The following ADAM32 variants were observed in gnomAD, a reference collection of about 807,000 sequenced individuals.
ADAM32 encodes the protein ADAM metallopeptidase domain 32, also known as disintegrin and metalloproteinase domain-containing protein 32.
A neutral mutation model predicts 114.9 loss-of-function variants in ADAM32; 89 were observed. That is an observed-to-expected ratio of 0.77 (90% CI 0.65 to 0.92). The LOEUF (loss-of-function observed/expected upper bound fraction) is 0.92, where lower values mean the gene tolerates loss of function less well. Among genes scored for constraint, ADAM32 ranks in the 40% least tolerant of loss-of-function variants. The pLI is 0.00. For missense variants in ADAM32, 870 were observed against 932.8 expected (o/e 0.93, Z 0.88); for synonymous variants, 285 against 307.5 (o/e 0.93, Z 0.77).
At chr8:39,116,944 T>C (rs11778751) in intron 1 of ADAM32, among the ~76,000 whole-genome samples, 73,418 of 151,880 alleles carry the variant, frequency 0.48, 18,624 homozygotes, top group South Asian at 0.56. Context: ...AGTGCAGTGG[T>C]GTGATCTTGG....
chr8:39,250,248 TA>T (rs1366060156), intron 17 of ADAM32, among the ~76,000 whole-genome samples: 1 of 152,036 alleles, frequency 6.6e-6, no homozygotes, highest in Non-Finnish European at 1.5e-5. Flanking sequence ...AGTTCTTGGA[TA>T]TTCTGTTCTG....
chr8:39,257,530 G>A (rs573296017), intron 19 of ADAM32, among the ~76,000 whole-genome samples, 187 bp downstream of exon 19: 1 of 152,036 alleles, frequency 6.6e-6, no homozygotes, highest in African/African-American at 2.4e-5. Context: ...ATTTGGAAGT[G>A]TAATTTACAT....
chr8:39,125,222 C>T (rs574021143), intron 2 of ADAM32, among the ~76,000 whole-genome samples: 1 of 151,984 alleles, frequency 6.6e-6, no homozygotes, highest in Non-Finnish European at 1.5e-5. Flanking sequence ...AATTTGCTTA[C>T]GTTCCTTGTA....
intron 20 of ADAM32, among the ~76,000 whole-genome samples, chr8:39,271,659 G>A (rs1193567180): frequency 6.6e-6 from 1 of 151,966 alleles, no homozygotes; most frequent in East Asian, 1.9e-4. Flanking sequence ...AAATCACTGA[G>A]AATACAACAT....
chr8:39,258,451 T>C (rs1811803369), intron 19 of ADAM32, among the ~76,000 whole-genome samples: 1 of 152,086 alleles, frequency 6.6e-6, no homozygotes, highest in Non-Finnish European at 1.5e-5. Context: ...CGACATTCAG[T>C]TAAAAAAATT....
intron 14 of ADAM32, among the ~76,000 whole-genome samples, chr8:39,227,276 G>C (rs1442848187): frequency 6.6e-6 from 1 of 152,166 alleles, no homozygotes; most frequent in Non-Finnish European, 1.5e-5. Context: ...CTGTTTGAGG[G>C]AGAAGTTTCC....
chr8:39,216,066 T>C (rs1808544620), intron 12 of ADAM32, among the ~76,000 whole-genome samples: 2 of 152,094 alleles, frequency 1.3e-5, no homozygotes, highest in Non-Finnish European at 1.5e-5. Flanking sequence ...ATTTGCTTTA[T>C]ATATCTGGGT....
At chr8:39,187,158 C>A in intron 11 of ADAM32, 113 bp downstream of exon 11, 4 of 896,072 alleles carry the variant, frequency 4.5e-6, no homozygotes, top group South Asian at 4.5e-5. Flanking sequence ...ACCAAATTCA[C>A]CAAGTATAAA....
chr8:39,252,608 A>C (rs1811375205), intron 17 of ADAM32, among the ~76,000 whole-genome samples: 1 of 151,580 alleles, frequency 6.6e-6, no homozygotes, highest in Admixed American at 6.6e-5. Flanking sequence ...GAGAATAGAA[A>C]AATAATAGAC....
chr8:39,195,750 A>G (rs182745114), intron 11 of ADAM32, among the ~76,000 whole-genome samples: 2 of 152,176 alleles, frequency 1.3e-5, no homozygotes, highest in African/African-American at 4.8e-5. Context: ...ATTCTGTTTC[A>G]TTGCTCTGTT....
chr8:39,197,900 A>G (rs977851955), intron 11 of ADAM32, among the ~76,000 whole-genome samples: 2 of 152,186 alleles, frequency 1.3e-5, no homozygotes, highest in Admixed American at 6.5e-5. Flanking sequence ...GATCTGTCCA[A>G]TGCTTCAAGA....
chr8:39,148,929 A>G (rs1424610946), intron 4 of ADAM32, among the ~76,000 whole-genome samples: 1 of 152,158 alleles, frequency 6.6e-6, no homozygotes, highest in Non-Finnish European at 1.5e-5. Flanking sequence ...GACCAACTCT[A>G]TACAATTTAA....
At chr8:39,151,192 C>T (rs148733712) in intron 5 of ADAM32, among the ~76,000 whole-genome samples, 185 bp from the exon 6 acceptor site, 15 of 152,130 alleles carry the variant, frequency 9.9e-5, no homozygotes, top group South Asian at 4.2e-4. Context: ...TATACAAAAA[C>T]GAAATAGAAA....
At chr8:39,281,201 T>C (rs1564748426) in intron 23 of ADAM32, 27 bp downstream of exon 23, 2 of 1,289,804 alleles carry the variant, frequency 1.6e-6, no homozygotes, top group Non-Finnish European at 2.0e-6. Context: ...GTGTTACTTA[T>C]AAATAAGTAT....
At chr8:39,117,824 CTT>C (rs550169248) in intron 1 of ADAM32, among the ~76,000 whole-genome samples, 71 of 152,058 alleles carry the variant, frequency 4.7e-4, no homozygotes, top group Non-Finnish European at 8.7e-4. Flanking sequence ...TGAAGTATGT[CTT>C]TGATTTTTTT....
intron 1 of ADAM32, among the ~76,000 whole-genome samples, chr8:39,115,358 G>T (rs1236156637): frequency 6.6e-6 from 1 of 152,132 alleles, no homozygotes; most frequent in Non-Finnish European, 1.5e-5. Flanking sequence ...CACAGTGGTT[G>T]AACTAACTTA....
chr8:39,139,311 C>G (rs552960979), intron 3 of ADAM32, among the ~76,000 whole-genome samples: 1 of 152,206 alleles, frequency 6.6e-6, no homozygotes, highest in South Asian at 2.1e-4. Context: ...GGTGTTAGGT[C>G]TTACATTTAA....
In ADAM32 at chr8:39,203,224, C is replaced by T. The variant is rs1489568074; in HGVS notation, c.1053-7920C>T. 2.6e-5 allele frequency among the ~76,000 whole-genome samples: 4 copies of T among 152,284 alleles called. No homozygotes were observed. In the Middle Eastern group the frequency reaches 0.014, roughly 518 times the overall value. ...GTCTCATTGATCTGTCTAATGTTGA[C>T]AATGGGGTGTTAAAGTCTCCCATTA... On this transcript the variant is annotated intron_variant, in intron 11 of 24. Transcript: ENST00000379907.
At chr8:39,143,347 T>C (rs1015880390) in intron 3 of ADAM32, among the ~76,000 whole-genome samples, 3 of 152,250 alleles carry the variant, frequency 2.0e-5, no homozygotes, top group Non-Finnish European at 4.4e-5. Context: ...TTTGTGGTTT[T>C]ACCTACCTTT....
Sources: gnomAD v4.1 joint callset for allele counts (sites outside exome capture counted in the v4.1 genomes callset) on GRCh38, gnomAD v4.1.1 for gene constraint, MANE v1.5 for transcripts, NCBI Gene and HGNC (gene_info 2026-07-23, HGNC 2026-07-21) for gene names.